Variants in COL24A1 observed in about 807,000 individuals in gnomAD.
COL24A1 encodes the protein collagen alpha-1(XXIV) chain.
In COL24A1, 224 loss-of-function variants were observed where a neutral mutation model predicts 253.9. The ratio of observed to expected loss-of-function variants is 0.88; its 90% CI spans 0.79 to 0.99. The LOEUF (loss-of-function observed/expected upper bound fraction) is 0.99. Among genes scored for constraint, COL24A1 ranks in the 50% least tolerant of loss-of-function variants. COL24A1 has a pLI of 0.00. For missense variants in COL24A1, 2,131 were observed against 2,068.5 expected (o/e 1.03, Z -0.59); for synonymous variants, 685 against 673.7 (o/e 1.02, Z -0.26).
intron 5 of COL24A1, among the ~76,000 whole-genome samples, chr1:86,095,811 C>T (rs1703854263): frequency 6.6e-6 from 1 of 152,026 alleles, no homozygotes; most frequent in Non-Finnish European, 1.5e-5. Context: ...AGGAAATTGC[C>T]TATTCTTTGT....
intron 47 of COL24A1, among the ~76,000 whole-genome samples, chr1:85,787,142 T>C (rs1669765835): frequency 6.6e-6 from 1 of 152,128 alleles, no homozygotes; most frequent in South Asian, 2.1e-4. Context: ...CATTTACATA[T>C]TGTTTAGGGC....
chr1:86,063,600 T>C lies in COL24A1; in HGVS notation c.1752+115A>G, dbSNP rs1701263630. ...AAAGGTTGTCCTGCACTAAACAGAG[T>C]AAAAAATCACTGAGAAGAAAAATTG... is the stretch of plus-strand genomic sequence containing the variant. On this transcript the variant is annotated intron_variant, in intron 8 of 59. Transcript: ENST00000370571. 5 of 613,410 alleles carry C rather than the reference T, an allele frequency of 8.2e-6. No individual in the cohort carries two copies. In the South Asian group the frequency reaches 1.4e-4, roughly 17 times the overall value. The allele number at this position is 613,410 out of a possible 1,614,324, so 38.0% of individuals were successfully genotyped here.
At chr1:85,916,830 T>C (rs1685942706) in intron 24 of COL24A1, among the ~76,000 whole-genome samples, 1 of 152,178 alleles carries the variant, frequency 6.6e-6, no homozygotes, top group Non-Finnish European at 1.5e-5. Context: ...ACAATCACTT[T>C]GGAGAACAAT....
At chr1:86,029,630 T>TA (rs1698372657) in intron 14 of COL24A1, among the ~76,000 whole-genome samples, 1 of 129,120 alleles carries the variant, frequency 7.7e-6, no homozygotes, top group South Asian at 2.4e-4. Flanking sequence ...TTTTTTTTTT[T>TA]AGAGAGATGG....
chr1:86,147,723 A>T (rs1652103557), intron 1 of COL24A1, among the ~76,000 whole-genome samples: 1 of 152,198 alleles, frequency 6.6e-6, no homozygotes, highest in Admixed American at 6.5e-5. Flanking sequence ...CGTGTGCCAA[A>T]CTCTGAGAAA....
chr1:86,123,947 T>G (rs1246943689), intron 3 of COL24A1, among the ~76,000 whole-genome samples: 2 of 151,860 alleles, frequency 1.3e-5, no homozygotes, highest in African/African-American at 4.8e-5. Context: ...TTTCATTAAA[T>G]AAATACTTTA....
chr1:86,125,393 A>G lies in COL24A1; in HGVS notation c.943T>C (p.Ser315Pro), dbSNP rs773507761. The change falls in exon 3 of 60, where the codon TCT becomes CCT. Residue 315 changes from serine to proline, a missense_variant. Coordinates refer to ENST00000370571, the MANE Select transcript of COL24A1 (RefSeq NM_152890.7). ...GAGACATTTCCTGACTGAAGAGAAG[A>G]TAACTGAGATCTTGATATCTGGTGT... The part of the protein sequence containing the change: ...QEHQISRSQL[S>P]SLQSGNVSAV... 19 of 1,613,526 alleles carry G rather than the reference A, an allele frequency of 1.2e-5. No individual in the cohort carries two copies. Among genetic ancestry groups the G allele is most frequent in the Middle Eastern group, 1.6e-4 (1 of 6,078 alleles).
At chr1:86,094,282 T>C (rs1316989903) in intron 5 of COL24A1, among the ~76,000 whole-genome samples, 1 of 151,900 alleles carries the variant, frequency 6.6e-6, no homozygotes, top group South Asian at 2.1e-4. Context: ...AATGTGGTAC[T>C]GTATATACAC....
intron 7 of COL24A1, among the ~76,000 whole-genome samples, 196 bp from the exon 8 acceptor site, chr1:86,063,955 T>G (rs41313268): frequency 0.14 from 21,914 of 151,814 alleles, 1,836 homozygotes; most frequent in Middle Eastern, 0.26. Context: ...AAATAAAAAA[T>G]TAATTCTTAT....
intron 19 of COL24A1, among the ~76,000 whole-genome samples, chr1:86,003,766 AGGGGCCTGG>A (rs1207312457): frequency 6.8e-6 from 1 of 147,148 alleles, no homozygotes. Flanking sequence ...CTATCTGGTC[AGGGGCCTGG>A]GAGGAAAAAA....
chr1:85,802,153 A>T (rs1346438178), intron 47 of COL24A1, among the ~76,000 whole-genome samples: 1 of 152,168 alleles, frequency 6.6e-6, no homozygotes, highest in African/African-American at 2.4e-5. Context: ...TACTATACTG[A>T]AGCCAGAGGG....
intron 10 of COL24A1, among the ~76,000 whole-genome samples, chr1:86,055,318 C>A (rs1285515469): frequency 6.6e-6 from 1 of 152,150 alleles, no homozygotes; most frequent in Non-Finnish European, 1.5e-5. Context: ...ACATTTGAGA[C>A]CCTTTATGAA....
chr1:85,803,985 C>T (rs914011431), intron 47 of COL24A1, among the ~76,000 whole-genome samples: 1 of 152,000 alleles, frequency 6.6e-6, no homozygotes, highest in African/African-American at 2.4e-5. Context: ...GAATGTTTGC[C>T]TCACAAAGAC....
At chr1:85,803,587 CT>C (rs35131423) in intron 47 of COL24A1, among the ~76,000 whole-genome samples, 53,306 of 148,454 alleles carry the variant, frequency 0.36, 10,070 homozygotes, top group East Asian at 0.57. Context: ...TAGGTTTGCA[CT>C]TTTTTTTTTT....
chr1:85,927,488 G>C (rs1203447344), intron 24 of COL24A1, among the ~76,000 whole-genome samples: 3 of 129,872 alleles, frequency 2.3e-5, no homozygotes, highest in African/African-American at 5.8e-5. Context: ...ACTGCAAGGC[G>C]GCAACGAGGC....
chr1:85,730,267 C>G lies in COL24A1; in HGVS notation c.*279G>C. The stretch of plus-strand genomic sequence containing the variant: ...CACTCAGTCAAAAATATAAGATACC[C>G]TGAAGAATTCCATATTTATAAATTT... On this transcript the variant is annotated 3_prime_UTR_variant, in exon 60 of 60. Transcript: ENST00000370571. 3.9e-6 allele frequency: 1 copy of G among 257,154 alleles called. No individual in the cohort carries two copies. Among genetic ancestry groups the G allele is most frequent in the Non-Finnish European group, 7.5e-6 (1 of 133,316 alleles). The allele number at this position is 257,154 out of a possible 1,614,324, so 15.9% of individuals were successfully genotyped here. A position where few individuals can be genotyped will look rare whatever the true frequency, so the allele number is the denominator to read the frequency against.
rs146671191 is a variant in COL24A1, at chr1:86,053,625, G to A, written c.1852-3448C>T. Reference sequence around the variant, plus strand: ...TAGATCCAGTTAGAAGCAATTTTGTGTCACCAGCAGGACCACCAGAAGGTC... The same window carrying A: ...TAGATCCAGTTAGAAGCAATTTTGTATCACCAGCAGGACCACCAGAAGGTC... On this transcript the variant is annotated intron_variant, in intron 10 of 59. Coordinates refer to ENST00000370571, the MANE Select transcript of COL24A1 (RefSeq NM_152890.7). 2.2e-3 allele frequency among the ~76,000 whole-genome samples: 340 copies of A among 152,058 alleles called. 2 individuals carry two copies. The highest frequency in any genetic ancestry group is 6.8e-3 in the Middle Eastern group (2 of 294).
chr1:86,004,195 T>A (rs865980143), intron 19 of COL24A1, among the ~76,000 whole-genome samples: 1 of 152,172 alleles, frequency 6.6e-6, no homozygotes, highest in Admixed American at 6.5e-5. Flanking sequence ...ATTTCTTACA[T>A]TGGGCACCTT....
At chr1:85,756,153 C>T (rs1666236526) in intron 55 of COL24A1, among the ~76,000 whole-genome samples, 1 of 151,244 alleles carries the variant, frequency 6.6e-6, no homozygotes, top group South Asian at 2.1e-4. Context: ...GGCACAGTGG[C>T]TCACACCTGT....
Sources: gnomAD v4.1 joint callset for allele counts (sites outside exome capture counted in the v4.1 genomes callset) on GRCh38, gnomAD v4.1.1 for gene constraint, MANE v1.5 for transcripts, NCBI Gene and HGNC (gene_info 2026-07-23, HGNC 2026-07-21) for gene names.